The following RIC1 variants were observed in gnomAD, a reference collection of about 807,000 sequenced individuals.
RIC1 encodes guanine nucleotide exchange factor subunit RIC1.
A neutral mutation model predicts 169.0 loss-of-function variants in RIC1; 88 were observed. The ratio of observed to expected loss-of-function variants is 0.52; its 90% CI spans 0.44 to 0.62. RIC1 has a LOEUF of 0.62. RIC1 is among the 20% of genes least tolerant of loss of function. The probability of loss-of-function intolerance (pLI) is 0.00; values close to 1 mark genes in which losing one functional copy is unlikely to be tolerated. For missense variants in RIC1, 1,877 were observed against 1,725.5 expected, an observed-to-expected ratio of 1.09 and a Z score of -1.56; for synonymous variants, 790 against 601.5, an observed-to-expected ratio of 1.31 and a Z score of -4.59.
At chr9:5,691,003 ATAAT>A (rs902961503) in intron 3 of RIC1, among the ~76,000 whole-genome samples, 2 of 152,060 alleles carry the variant, frequency 1.3e-5, no homozygotes, top group Admixed American at 6.5e-5. Context: ...TTATTTTTTA[ATAAT>A]TAAAGAATTA....
At chr9:5,641,486 T>C (rs1818244299) in intron 1 of RIC1, among the ~76,000 whole-genome samples, 1 of 152,186 alleles carries the variant, frequency 6.6e-6, no homozygotes, top group Non-Finnish European at 1.5e-5. Context: ...TGGGAAGTTC[T>C]CTCTTATCCC....
chr9:5,741,988 TGTATTCTCTGTTTGAACCACATTA>T (rs1825112089), intron 8 of RIC1, among the ~76,000 whole-genome samples: 1 of 152,196 alleles, frequency 6.6e-6, no homozygotes, highest in Non-Finnish European at 1.5e-5. Flanking sequence ...CCCTTTGCAT[TGTATTCTCTGTTTGAACCACATTA>T]AATTGCACAA....
intron 2 of RIC1, among the ~76,000 whole-genome samples, chr9:5,675,857 A>G (rs887450531): frequency 1.3e-5 from 2 of 152,234 alleles, no homozygotes; most frequent in African/African-American, 4.8e-5. Flanking sequence ...TATGCTATTC[A>G]TAATATGCAT....
rs557089057 is a variant in RIC1, at chr9:5,739,746, AT to A, written c.901+1209del. Among the ~76,000 whole-genome samples, 115 of 152,192 alleles carry A rather than the reference AT, an allele frequency of 7.6e-4. 1 individual carries two copies. Among genetic ancestry groups the A allele is most frequent in the African/African-American group, 2.7e-3 (111 of 41,542 alleles). On this transcript the variant is annotated intron_variant, in intron 8 of 25. Transcript: ENST00000414202. The stretch of plus-strand genomic sequence containing the variant: ...GGAGGGGATGTTGCCACTATTGGGG[AT>A]GGGGAAAGCTGTTTCTTCTGGCAAA...
intron 2 of RIC1, among the ~76,000 whole-genome samples, chr9:5,658,277 A>T (rs1819228729): frequency 6.6e-6 from 1 of 152,148 alleles, no homozygotes; most frequent in Non-Finnish European, 1.5e-5. Context: ...TAGCTATGCC[A>T]AAAGAATATA....
intron 6 of RIC1, among the ~76,000 whole-genome samples, chr9:5,725,355 A>G (rs1009836537): frequency 6.6e-6 from 1 of 152,102 alleles, no homozygotes; most frequent in African/African-American, 2.4e-5. Context: ...AGAGGTGTTT[A>G]TAGTATTCTC....
chr9:5,730,586 C>T (rs1265800524), intron 6 of RIC1, among the ~76,000 whole-genome samples: 1 of 151,978 alleles, frequency 6.6e-6, no homozygotes, highest in Non-Finnish European at 1.5e-5. Flanking sequence ...GAGGTGATTA[C>T]CATGTAAATC....
At chr9:5,702,330 T>C (rs1163864395) in intron 3 of RIC1, among the ~76,000 whole-genome samples, 1 of 152,068 alleles carries the variant, frequency 6.6e-6, no homozygotes, top group Non-Finnish European at 1.5e-5. Flanking sequence ...GACTGGGTAA[T>C]TTATAAAGAA....
At chr9:5,656,084 A>G (rs1221130713) in intron 1 of RIC1, among the ~76,000 whole-genome samples, 1 of 151,786 alleles carries the variant, frequency 6.6e-6, no homozygotes, top group East Asian at 1.9e-4. Flanking sequence ...GTTAGCCAGG[A>G]TGGTCTCCAT....
chr9:5,731,185 G>A (rs1246620922), intron 6 of RIC1, among the ~76,000 whole-genome samples: 1 of 152,000 alleles, frequency 6.6e-6, no homozygotes, highest in Non-Finnish European at 1.5e-5. Flanking sequence ...AAGCATACAA[G>A]TAGAGATTTT....
chr9:5,629,871 G>C (rs987702282), intron 1 of RIC1, among the ~76,000 whole-genome samples: 1 of 152,224 alleles, frequency 6.6e-6, no homozygotes, highest in Non-Finnish European at 1.5e-5. Context: ...CGCCGTTTTG[G>C]AGTTAGGGAA....
intron 6 of RIC1, among the ~76,000 whole-genome samples, chr9:5,723,555 T>C (rs1298132827): frequency 3.3e-5 from 5 of 152,232 alleles, no homozygotes; most frequent in African/African-American, 1.2e-4. Context: ...AGAAGCTCTT[T>C]AGTTGAATTA....
intron 2 of RIC1, among the ~76,000 whole-genome samples, chr9:5,686,543 C>T (rs541774118): frequency 1.0e-4 from 15 of 148,446 alleles, no homozygotes; most frequent in East Asian, 8.0e-4. Context: ...AACCAAACAC[C>T]GCATATTCTC....
intron 12 of RIC1, chr9:5,748,672 TCTGTGTTAC>T (rs1825535363): frequency 6.6e-6 from 1 of 152,624 alleles, no homozygotes; most frequent in Admixed American, 6.5e-5. Flanking sequence ...CCTAGCCAGG[TCTGTGTTAC>T]CAGAGAGCCA....
chr9:5,763,901 T>G lies in RIC1; in HGVS notation c.2841+33T>G. 1 of 1,569,020 alleles carries G rather than the reference T, an allele frequency of 6.4e-7. No individual in the cohort carries two copies. The highest frequency in any genetic ancestry group is 8.7e-7 in the Non-Finnish European group (1 of 1,155,510). On this transcript the variant is annotated intron_variant, in intron 19 of 25. Coordinates refer to ENST00000414202, the MANE Select transcript of RIC1 (RefSeq NM_020829.4). The surrounding 1 kb of genome is among the most constrained non-coding windows in gnomAD (Gnocchi z 5.2). The stretch of plus-strand genomic sequence containing the variant: ...TTCTCTTCTTATAAAGGGGCAAGAA[T>G]TAATGAGCTTAAACTTAGAAAAATA...
At chr9:5,671,408 T>C (rs150706339) in intron 2 of RIC1, among the ~76,000 whole-genome samples, 8 of 152,126 alleles carry the variant, frequency 5.3e-5, no homozygotes, top group African/African-American at 1.9e-4. Context: ...CCCAAGTAGT[T>C]GGGATTACAG....
At chr9:5,745,026 C>T (rs555092493) in intron 10 of RIC1, among the ~76,000 whole-genome samples, 8 of 152,160 alleles carry the variant, frequency 5.3e-5, no homozygotes, top group Admixed American at 2.0e-4. Context: ...CCAAGGACCC[C>T]TTCTGATGTC....
intron 21 of RIC1, 25 bp downstream of exon 21, chr9:5,765,823 G>T: frequency 1.2e-6 from 2 of 1,612,422 alleles, no homozygotes; most frequent in Non-Finnish European, 1.7e-6. Flanking sequence ...AGCCATTACT[G>T]CTTTTTGGGC....
Position 5,765,664 on chromosome 9 carries a change from A to C in RIC1, c.3003A>C (p.Glu1001Asp). 6.2e-7 allele frequency: 1 copy of C among 1,614,142 alleles called. No homozygotes were observed. The highest frequency in any genetic ancestry group is 8.5e-7 in the Non-Finnish European group (1 of 1,179,998). Residue 1001 changes from glutamate (E) to aspartate (D), a missense_variant and splice_region_variant, in exon 21 of 26, where the codon GAA becomes GAC. Physicochemically the swap from Glu to Asp is conservative, Grantham distance 45. Coordinates refer to ENST00000414202, the MANE Select transcript of RIC1 (RefSeq NM_020829.4). ...CTGCATATGGTGTGTAATCCTAGGA[A>C]CCCAGTTCAAGTGGTGGATTTGAGT... is the stretch of plus-strand genomic sequence containing the variant. ...ETPPSTPTAQ[E>D]PSSSGGFEFF...
Sources: allele counts gnomAD v4.1 joint callset (sites outside exome capture counted in the v4.1 genomes callset), GRCh38; gene constraint gnomAD v4.1.1; non-coding constraint Gnocchi (gnomAD v3.1); transcripts MANE v1.5; gene names NCBI Gene and HGNC (gene_info 2026-07-23, HGNC 2026-07-21).